SVIL: variants seen among roughly 807,000 people sequenced by gnomAD.
SVIL encodes supervillin, also known as archvillin.
A neutral mutation model predicts 240.4 loss-of-function variants in SVIL; 101 were observed. The ratio of observed to expected loss-of-function variants is 0.42; its 90% CI spans 0.36 to 0.50. The LOEUF (loss-of-function observed/expected upper bound fraction) is 0.50. SVIL is among the 20% of genes least tolerant of loss of function. SVIL has a pLI of 0.01. For missense variants in SVIL, 2,512 were observed against 2,818.7 expected (o/e 0.89, Z 2.46); for synonymous variants, 999 against 1,100.0 (o/e 0.91, Z 1.82).
At chr10:29,463,324 C>T (rs1047722543) in intron 35 of SVIL, among the ~76,000 whole-genome samples, 168 bp downstream of exon 35, 1 of 152,222 alleles carries the variant, frequency 6.6e-6, no homozygotes, top group Admixed American at 6.5e-5. Context: ...AAACTTAATA[C>T]ATCTCAAAAA....
chr10:29,594,559 CTTT>C (rs34870351), intron 1 of SVIL, among the ~76,000 whole-genome samples: 1 of 140,574 alleles, frequency 7.1e-6, no homozygotes, highest in Non-Finnish European at 1.5e-5. Context: ...AATTTTTTTT[CTTT>C]TTTTTTTTTT....
intron 1 of SVIL, among the ~76,000 whole-genome samples, chr10:29,622,249 CAAAA>C (rs71020801): frequency 0.036 from 1,877 of 51,454 alleles, 8 homozygotes; most frequent in South Asian, 0.069. Flanking sequence ...GACTCCGTCT[CAAAA>C]AAAAAAAAAA....
chr10:29,550,472 T>G, intron 6 of SVIL, 125 bp downstream of exon 6: 99 of 1,104,592 alleles, frequency 9.0e-5, no homozygotes, highest in Non-Finnish European at 1.1e-4. Flanking sequence ...TCATATACTA[T>G]GATATTTCTC....
chr10:29,500,054 C>A (rs540152699), intron 17 of SVIL, among the ~76,000 whole-genome samples: 15 of 152,122 alleles, frequency 9.9e-5, no homozygotes, highest in Non-Finnish European at 1.5e-4. Context: ...GGGGAAGAAG[C>A]TACAGGGGAC....
At chr10:29,691,490 C>A (rs57269450) in intron 1 of SVIL, among the ~76,000 whole-genome samples, 3 of 151,994 alleles carry the variant, frequency 2.0e-5, no homozygotes, top group African/African-American at 4.8e-5. Context: ...GGATTACAGG[C>A]GTGAGCCACC....
rs530815621 is a variant in SVIL, at chr10:29,488,913, A to G, written c.4193-157T>C. ...CAAGTTTGATTAAATGTGCAATTCA[A>G]TGCTTAACCACTGTGTTAAGAATTA... On this transcript the variant is annotated intron_variant, in intron 22 of 37. Transcript: ENST00000355867. Among the ~76,000 whole-genome samples the G allele has an allele frequency of 1.7e-3, 262 of 152,380 alleles. 11 individuals carry two copies. In the South Asian group the frequency reaches 0.05, roughly 29 times the overall value.
At chr10:29,706,891 A>G (rs1441797120) in intron 1 of SVIL, among the ~76,000 whole-genome samples, 1 of 152,232 alleles carries the variant, frequency 6.6e-6, no homozygotes, top group Non-Finnish European at 1.5e-5. Context: ...TTTAACAAAT[A>G]GGGAATCCTT....
In SVIL at chr10:29,703,285, C is replaced by T. The variant is rs540112265; in HGVS notation, c.-399-16634G>A. Among the ~76,000 whole-genome samples, 7 of 152,292 alleles carry T rather than the reference C, an allele frequency of 4.6e-5. No homozygotes were observed. The South Asian group carries it at 8.3e-4, about 18-fold the overall frequency. ...TGGATTTGAGGGTAACCTGGATCAC[C>T]GTGAGGGTGAAACGCCAGATGCTGA... On this transcript the variant is annotated intron_variant, in intron 1 of 35. Transcript: ENST00000375400.
intron 2 of SVIL, among the ~76,000 whole-genome samples, chr10:29,680,011 C>G (rs1055926625): frequency 3.3e-5 from 5 of 151,962 alleles, no homozygotes; most frequent in Admixed American, 1.3e-4. Flanking sequence ...GAGATCCTAT[C>G]TCTCCTAAAA....
Position 29,527,006 on chromosome 10 carries a change from C to G in SVIL, c.2297G>C (p.Arg766Thr). 6.2e-7 allele frequency: 1 copy of G among 1,612,920 alleles called. No individual in the cohort carries two copies. The highest frequency in any genetic ancestry group is 8.5e-7 in the Non-Finnish European group (1 of 1,179,546). Reference protein sequence around the residue: ...CSGGTHPVMARLPSPTVARSA... With the variant: ...CSGGTHPVMATLPSPTVARSA... ...CCTAGCTACAGTGGGGCTAGGAAGTCTCGCCATTACAGGGTGGGTGCCCCC... is the reference window on the plus strand; with the variant it reads ...CCTAGCTACAGTGGGGCTAGGAAGTGTCGCCATTACAGGGTGGGTGCCCCC... The change falls in exon 13 of 38, where the codon AGA (arginine) becomes ACA (threonine). Residue 766 changes from arginine (R) to threonine (T), a missense_variant. Physicochemically the swap from Arg to Thr is moderately conservative, Grantham distance 71. This residue lies in a region of SVIL where 1,443 missense variants were observed against 1,486.6 expected (regional missense o/e 0.97). Coordinates refer to ENST00000355867, the MANE Select transcript of SVIL (RefSeq NM_021738.3).
chr10:29,574,250 G>A (rs75569742), intron 1 of SVIL, among the ~76,000 whole-genome samples: 3,686 of 152,308 alleles, frequency 0.024, 89 homozygotes, highest in Admixed American at 0.059. Flanking sequence ...TTAGATGGGC[G>A]TGCGAACCTG....
chr10:29,476,801 G>A (rs6481596), intron 29 of SVIL, among the ~76,000 whole-genome samples: 78,530 of 151,974 alleles, frequency 0.52, 21,097 homozygotes, highest in African/African-American at 0.65. Context: ...TTAATTTTTC[G>A]TATGTGTATT....
At position 29,544,348 on chromosome 10, in the gene SVIL, G is replaced by A. The variant is rs557234564; in HGVS notation, c.827+6249C>T. On this transcript the variant is annotated intron_variant, in intron 6 of 37. Coordinates refer to ENST00000355867, the MANE Select transcript of SVIL (RefSeq NM_021738.3). ...TAGGTACAGGTACAAAATCTGCAAG[G>A]ACACAGGCTCAAGGAAAAATTTTGC... Among the ~76,000 whole-genome samples the A allele has an allele frequency of 1.3e-4, 20 of 152,252 alleles. No individual in the cohort carries two copies. In the South Asian group the frequency reaches 3.5e-3, roughly 27 times the overall value.
chr10:29,567,387 GAT>G (rs1955058718), intron 2 of SVIL, among the ~76,000 whole-genome samples: 2 of 152,310 alleles, frequency 1.3e-5, no homozygotes, highest in Admixed American at 6.5e-5. Context: ...TAAATTACAA[GAT>G]ATGGGAGACG....
intron 6 of SVIL, among the ~76,000 whole-genome samples, chr10:29,548,418 A>G (rs190887991): frequency 6.6e-6 from 1 of 152,372 alleles, no homozygotes; most frequent in African/African-American, 2.4e-5. Flanking sequence ...AGCTTTAAGC[A>G]GGACAGTTAA....
At chr10:29,729,889 T>C (rs1964520343) in intron 1 of SVIL, among the ~76,000 whole-genome samples, 1 of 147,810 alleles carries the variant, frequency 6.8e-6, no homozygotes, top group Non-Finnish European at 1.5e-5. Context: ...GAGACAAGAC[T>C]TAGAAACGTA....
intron 22 of SVIL, among the ~76,000 whole-genome samples, chr10:29,489,170 A>G (rs1947717870): frequency 6.6e-6 from 1 of 152,260 alleles, no homozygotes; most frequent in African/African-American, 2.4e-5. Context: ...CTTTATACAT[A>G]AAGAAAACAA....
rs149712967 is a variant in SVIL, at chr10:29,463,829, G to T, written c.6134-194C>A. On this transcript the variant is annotated intron_variant, in intron 34 of 37. Coordinates refer to ENST00000355867, the MANE Select transcript of SVIL (RefSeq NM_021738.3). ...TACCCCAGCCCTTTGACAGTTCAAC[G>T]GGGAGAAGCCTGTAGGCAGAGAGAA... Among the ~76,000 whole-genome samples, 8 of 152,334 alleles carry T rather than the reference G, an allele frequency of 5.3e-5. No homozygotes were observed. In the East Asian group the frequency reaches 1.5e-3, roughly 29 times the overall value.
intron 36 of SVIL, among the ~76,000 whole-genome samples, chr10:29,460,369 G>A (rs976809958): frequency 3.3e-5 from 5 of 151,954 alleles, no homozygotes; most frequent in Admixed American, 1.3e-4. Flanking sequence ...ACTCTTCTCC[G>A]GCTGGAATCC....
Sources: allele counts gnomAD v4.1 joint callset (sites outside exome capture counted in the v4.1 genomes callset), GRCh38; gene constraint gnomAD v4.1.1; regional missense constraint gnomAD v4.1.1; transcripts MANE v1.5; gene names NCBI Gene and HGNC (gene_info 2026-07-23, HGNC 2026-07-21).